SIPA1L3: variants seen among roughly 807,000 people sequenced by gnomAD.
SIPA1L3 encodes signal-induced proliferation-associated 1-like protein 3.
A neutral mutation model predicts 150.1 loss-of-function variants in SIPA1L3; 59 were observed. The observed-to-expected ratio is 0.39, with a 90% CI of 0.32 to 0.49. The LOEUF is 0.49. Ranked by LOEUF, SIPA1L3 falls within the 20% of genes least tolerant of loss-of-function variation. The pLI is 0.86. For synonymous variants in SIPA1L3, 1,070 were observed against 1,077.6 expected (o/e 0.99, Z 0.14); for missense variants, 2,211 against 2,489.5 (o/e 0.89, Z 2.38).
At chr19:38,054,697 G>A (rs1555781371) in intron 2 of SIPA1L3, among the ~76,000 whole-genome samples, 1 of 152,220 alleles carries the variant, frequency 6.6e-6, no homozygotes, top group Non-Finnish European at 1.5e-5. Flanking sequence ...TTTGGAAGAG[G>A]AGCTCCACAG....
intron 1 of SIPA1L3, among the ~76,000 whole-genome samples, chr19:37,934,913 A>G (rs185785796): frequency 6.6e-6 from 1 of 152,246 alleles, no homozygotes; most frequent in Non-Finnish European, 1.5e-5. Context: ...AGTGGTGTGG[A>G]TGCACCATAA....
At chr19:38,021,097 G>A (rs1034594972) in intron 1 of SIPA1L3, among the ~76,000 whole-genome samples, 3 of 152,148 alleles carry the variant, frequency 2.0e-5, no homozygotes, top group Admixed American at 6.5e-5. Flanking sequence ...CACCGTGCCC[G>A]GCTTTTAGCT....
intron 15 of SIPA1L3, among the ~76,000 whole-genome samples, chr19:38,171,766 A>G (rs1271761801): frequency 6.6e-6 from 1 of 152,146 alleles, no homozygotes; most frequent in East Asian, 1.9e-4. Flanking sequence ...CTGAGGTGAG[A>G]GGATCACTTG....
At chr19:37,907,803 G>A (rs1295845326) in intron 1 of SIPA1L3, 3 of 152,244 alleles carry the variant, frequency 2.0e-5, no homozygotes, top group African/African-American at 7.2e-5. Context: ...GTTATCGATT[G>A]CATAGGGTGA....
At chr19:38,153,200 A>G (rs1971867830) in intron 13 of SIPA1L3, among the ~76,000 whole-genome samples, 1 of 152,362 alleles carries the variant, frequency 6.6e-6, no homozygotes, top group South Asian at 2.1e-4. Flanking sequence ...GCTCCCGCTG[A>G]TAAGGCCAGA....
chr19:38,115,065 C>G (rs567989645), intron 8 of SIPA1L3, among the ~76,000 whole-genome samples: 1 of 152,192 alleles, frequency 6.6e-6, no homozygotes, highest in Non-Finnish European at 1.5e-5. Context: ...GGGGAGCTTA[C>G]GGGAACCATG....
chr19:38,112,810 C>G (rs1970796299), intron 8 of SIPA1L3, among the ~76,000 whole-genome samples: 1 of 152,186 alleles, frequency 6.6e-6, no homozygotes, highest in Non-Finnish European at 1.5e-5. Context: ...CCTGACCCTG[C>G]CTCTACCCTG....
At chr19:38,096,902 G>T (rs532674439) in intron 4 of SIPA1L3, among the ~76,000 whole-genome samples, 61 of 152,274 alleles carry the variant, frequency 4.0e-4, no homozygotes, top group Non-Finnish European at 7.6e-4. Flanking sequence ...CTTCTGTGAG[G>T]GTTCATAACA....
chr19:38,026,496 G>A (rs78159008), intron 1 of SIPA1L3, among the ~76,000 whole-genome samples: 6,409 of 152,240 alleles, frequency 0.042, 211 homozygotes, highest in East Asian at 0.1. Context: ...GGTGGGGTGA[G>A]TCCCATAGGA....
chr19:38,082,381 G>A lies in SIPA1L3; in HGVS notation c.816G>A (p.Leu272=). The change falls in exon 3 of 22, where the codon CTG becomes CTA. Residue 272 remains leucine, a synonymous_variant. Transcript: ENST00000222345. ...GGCAGCCCGCCAAGGACAGCCTCCT[G>A]CCACTGCAGCCCACGAAGGAGAAGG... ...HNGQPAKDSL[L]PLQPTKEKEK... 1 of 1,598,852 alleles carries A rather than the reference G, an allele frequency of 6.3e-7. No homozygotes were observed. Among genetic ancestry groups the A allele is most frequent in the East Asian group, 2.2e-5 (1 of 44,792 alleles).
chr19:37,990,672 T>G (rs1218676005), intron 1 of SIPA1L3, among the ~76,000 whole-genome samples: 1 of 152,044 alleles, frequency 6.6e-6, no homozygotes, highest in Non-Finnish European at 1.5e-5. Context: ...TTTGCTGGAG[T>G]CTGGTTTTTC....
At chr19:38,200,201 T>G (rs993493791) in intron 19 of SIPA1L3, 1 of 152,182 alleles carries the variant, frequency 6.6e-6, no homozygotes, top group Non-Finnish European at 1.5e-5. Flanking sequence ...GCCTCCTGAG[T>G]AGCTGAGATT....
At chr19:38,034,999 A>G (rs1968748029) in intron 2 of SIPA1L3, among the ~76,000 whole-genome samples, 1 of 152,168 alleles carries the variant, frequency 6.6e-6, no homozygotes, top group Non-Finnish European at 1.5e-5. Context: ...CCATCCGGTG[A>G]GGGAAGCAGA....
chr19:37,962,463 C>CTTGTTTTTT (rs2046867597), intron 1 of SIPA1L3, among the ~76,000 whole-genome samples: 1 of 73,102 alleles, frequency 1.4e-5, no homozygotes, highest in African/African-American at 7.1e-5. Context: ...TGCAGCCGGC[C>CTTGTTTTTT]TTTTTTTTTT....
chr19:38,019,582 C>A (rs1968320150), intron 1 of SIPA1L3, among the ~76,000 whole-genome samples: 1 of 152,170 alleles, frequency 6.6e-6, no homozygotes, highest in Non-Finnish European at 1.5e-5. Flanking sequence ...GCTGGGTGGG[C>A]ACTTAGCAAC....
At chr19:38,162,475 C>T in intron 14 of SIPA1L3, 104 bp downstream of exon 14, 1 of 810,856 alleles carries the variant, frequency 1.2e-6, no homozygotes, top group Non-Finnish European at 2.1e-6. Context: ...CCACCTTCCA[C>T]TCAGCAGAGG....
At chr19:37,969,445 G>A (rs1283678217) in intron 1 of SIPA1L3, among the ~76,000 whole-genome samples, 2 of 151,136 alleles carry the variant, frequency 1.3e-5, no homozygotes, top group African/African-American at 4.9e-5. Context: ...CCAGCTACTT[G>A]GGAGGCTGAG....
At chr19:38,114,623 C>T (rs1396401726) in intron 8 of SIPA1L3, among the ~76,000 whole-genome samples, 1 of 152,134 alleles carries the variant, frequency 6.6e-6, no homozygotes, top group African/African-American at 2.4e-5. Context: ...GAAGCATGTC[C>T]GCTCTGGAAA....
chr19:38,153,679 A>G (rs1432911953), intron 13 of SIPA1L3, among the ~76,000 whole-genome samples: 5 of 150,260 alleles, frequency 3.3e-5, no homozygotes, highest in Non-Finnish European at 7.4e-5. Flanking sequence ...CAAAAAAAAA[A>G]AAAAAAGAGG....
Sources: gnomAD v4.1 joint callset for allele counts (sites outside exome capture counted in the v4.1 genomes callset) on GRCh38, gnomAD v4.1.1 for gene constraint, MANE v1.5 for transcripts, NCBI Gene and HGNC (gene_info 2026-07-23, HGNC 2026-07-21) for gene names.